ANAPC16: variants seen among roughly 807,000 people sequenced by gnomAD.
ANAPC16 encodes the protein anaphase-promoting complex subunit 16.
In ANAPC16, 6 loss-of-function variants were observed where a neutral mutation model predicts 13.1. The observed-to-expected ratio is 0.46, with a 90% CI of 0.25 to 0.90. The LOEUF is 0.90. Ranked by LOEUF, ANAPC16 falls within the 40% of genes least tolerant of loss-of-function variation. The pLI is 0.18. For synonymous variants in ANAPC16, 55 were observed against 51.3 expected (o/e 1.07, Z -0.31); for missense variants, 113 against 131.1 (o/e 0.86, Z 0.67).
At chr10:72,231,175 T>C (rs144846089) in intron 3 of ANAPC16, among the ~76,000 whole-genome samples, 1 of 152,142 alleles carries the variant, frequency 6.6e-6, no homozygotes, top group Non-Finnish European at 1.5e-5. Context: ...AAGCTGTAAT[T>C]GCCTCTAACC....
Position 72,235,748 on chromosome 10 carries a change from T to G in ANAPC16, c.*2632T>G, listed in dbSNP as rs1644593026. ...AGCATAGGCACTGTGTTACATCATC[T>G]TTACGCTTTGGTATTTGAACTTATT... On this transcript the variant is annotated 3_prime_UTR_variant, in exon 4 of 4. Transcript: ENST00000299381. 2 of 152,226 alleles carry G rather than the reference T, an allele frequency of 1.3e-5. No individual in the cohort carries two copies. The highest frequency in any genetic ancestry group is 4.8e-5 in the African/African-American group (2 of 41,458). The allele number at this position is 152,226 out of a possible 1,614,324, so 9.4% of individuals were successfully genotyped here.
intron 2 of ANAPC16, among the ~76,000 whole-genome samples, chr10:72,226,049 T>C (rs1434947297): frequency 6.6e-6 from 1 of 150,808 alleles, no homozygotes; most frequent in Non-Finnish European, 1.5e-5. Flanking sequence ...AGAGTCTCGC[T>C]CTGTTGCCCA....
chr10:72,232,168 A>G (rs984245031), intron 3 of ANAPC16, among the ~76,000 whole-genome samples: 4 of 147,836 alleles, frequency 2.7e-5, no homozygotes, highest in Non-Finnish European at 4.5e-5. Flanking sequence ...CCTGGGCAAT[A>G]AGGGTGAAAC....
At chr10:72,229,814 T>A (rs1440548280) in intron 2 of ANAPC16, among the ~76,000 whole-genome samples, 1 of 152,234 alleles carries the variant, frequency 6.6e-6, no homozygotes, top group African/African-American at 2.4e-5. Context: ...TTGCAGTGTT[T>A]TGGTTCAGTT....
chr10:72,223,960 A>C lies in ANAPC16; in HGVS notation c.46A>C (p.Ser16Arg), dbSNP rs1860034031. ...SSSSAGGVSG[S>R]SVTGSGFSVS... ...CTCCTCAGCTGGTGGGGTCAGTGGA[A>C]GTTCTGTCACTGGATCTGGTTTCAG... Residue 16 changes from serine to arginine, a missense_variant, in exon 2 of 4, where the codon AGT (serine) becomes CGT (arginine). Ser to Arg is a moderately radical substitution (Grantham distance 110). Transcript: ENST00000299381. 6.2e-7 allele frequency: 1 copy of C among 1,611,666 alleles called. No homozygotes were observed. The highest frequency in any genetic ancestry group is 1.7e-5 in the Admixed American group (1 of 59,958).
chr10:72,218,425 C>A (rs1859755192), intron 1 of ANAPC16, among the ~76,000 whole-genome samples: 1 of 151,764 alleles, frequency 6.6e-6, no homozygotes, highest in Admixed American at 6.6e-5. Context: ...CATTATGCTG[C>A]TTTACGTTGC....
intron 3 of ANAPC16, 41 bp from the exon 4 acceptor site, chr10:72,232,960 A>G (rs140393122): frequency 1.3e-6 from 2 of 1,514,494 alleles, no homozygotes; most frequent in African/African-American, 1.4e-5. Context: ...TCTCTTGGGT[A>G]ATACGTTGTT....
chr10:72,229,500 C>T (rs1297994404), intron 2 of ANAPC16, among the ~76,000 whole-genome samples: 3 of 152,034 alleles, frequency 2.0e-5, no homozygotes, highest in South Asian at 2.1e-4. Context: ...GAAGTACTGC[C>T]TGAAAAAGGA....
At chr10:72,218,157 AAAAAAAAAATATATATATATATAT>A (rs1377787865) in intron 1 of ANAPC16, among the ~76,000 whole-genome samples, 10 of 50,288 alleles carry the variant, frequency 2.0e-4, no homozygotes, top group Admixed American at 1.1e-3. Flanking sequence ...AAAAAAAAAA[AAAAAAAAAATATATATATATATAT>A]ATATATATAT....
chr10:72,218,165 AATATATATATATATATATATATAT>A lies in ANAPC16; in HGVS notation c.-28+2058_-28+2081del, dbSNP rs61038115. Reference sequence around the variant, plus strand: ...TGTCTCAAAAAAAAAAAAAAAAAAAAATATATATATATATATATATATATATATATATATATATATATATATATA... The same window carrying A: ...TGTCTCAAAAAAAAAAAAAAAAAAAAATATATATATATATATATATATATA... On this transcript the variant is annotated intron_variant, in intron 1 of 3. Transcript: ENST00000299381. 2.1e-3 allele frequency among the ~76,000 whole-genome samples: 65 copies of A among 31,542 alleles called. 4 individuals are homozygous for A. Among genetic ancestry groups the A allele is most frequent in the Non-Finnish European group, 2.5e-3 (50 of 20,086 alleles). 20.7% of individuals were successfully genotyped at this position (31,542 alleles called of 152,430 possible).
chr10:72,224,503 C>G (rs1412122171), intron 2 of ANAPC16, among the ~76,000 whole-genome samples: 2 of 151,790 alleles, frequency 1.3e-5, no homozygotes, highest in Non-Finnish European at 2.9e-5. Flanking sequence ...ATCCCGGCTA[C>G]TGGGGAGGCT....
rs762664254 is a variant in ANAPC16, at chr10:72,232,991, C to T, written c.218-10C>T. On this transcript the variant is annotated splice_polypyrimidine_tract_variant and intron_variant, in intron 3 of 3. Transcript: ENST00000299381. The stretch of plus-strand genomic sequence containing the variant: ...TTGTTGCATAATATTCTTTCCTTGA[C>T]TCCTTACAGATCAGCAAGTTGCTCG... The T allele has an allele frequency of 3.1e-6, 5 of 1,610,314 alleles. No homozygotes were observed. The Admixed American group carries it at 8.3e-5, about 27-fold the overall frequency.
Position 72,223,975 on chromosome 10 carries a change from T to C in ANAPC16, c.61T>C (p.Ser21Pro). 6.2e-7 allele frequency: 1 copy of C among 1,612,354 alleles called. No individual in the cohort carries two copies. Among genetic ancestry groups the C allele is most frequent in the Non-Finnish European group, 8.5e-7 (1 of 1,178,596 alleles). ...GGTCAGTGGAAGTTCTGTCACTGGA[T>C]CTGGTTTCAGTGTCTCAGACCTTGC... ...GGVSGSSVTG[S>P]GFSVSDLAPP... The change falls in exon 2 of 4, where the codon TCT (serine) becomes CCT (proline). Residue 21 changes from serine (S) to proline (P), a missense_variant. By Grantham distance (74) the Ser-to-Pro change is moderately conservative. Coordinates refer to ENST00000299381, the MANE Select transcript of ANAPC16 (RefSeq NM_173473.4).
chr10:72,232,139 T>A (rs1860329729), intron 3 of ANAPC16, among the ~76,000 whole-genome samples: 1 of 128,346 alleles, frequency 7.8e-6, no homozygotes, highest in South Asian at 2.5e-4. Flanking sequence ...TGAGCTGAGA[T>A]CACACCATTG....
At chr10:72,217,322 A>C (rs1437377766) in intron 1 of ANAPC16, among the ~76,000 whole-genome samples, 1 of 151,958 alleles carries the variant, frequency 6.6e-6, no homozygotes, top group Non-Finnish European at 1.5e-5. Context: ...AAAAATACAA[A>C]AAATTAGCCG....
rs1206364793 is a variant in ANAPC16, at chr10:72,223,876, C to T, written c.-27-12C>T. 2.0e-6 allele frequency: 3 copies of T among 1,492,504 alleles called. No homozygotes were observed. The highest frequency in any genetic ancestry group is 2.7e-6 in the Non-Finnish European group (3 of 1,107,176). The allele number at this position is 1,492,504 out of a possible 1,614,324, so 92.5% of individuals were successfully genotyped here. A position where few individuals can be genotyped will look rare whatever the true frequency, so the allele number is the denominator to read the frequency against. ...CATAAACTTGCCAATTGCTGTTTTT[C>T]TTTCTCTGTAGTGAAGTAAGAACTC... On this transcript the variant is annotated splice_polypyrimidine_tract_variant and intron_variant, in intron 1 of 3. Coordinates refer to ENST00000299381, the MANE Select transcript of ANAPC16 (RefSeq NM_173473.4).
chr10:72,221,833 G>A (rs972659548), intron 1 of ANAPC16, among the ~76,000 whole-genome samples: 10 of 149,808 alleles, frequency 6.7e-5, no homozygotes, highest in African/African-American at 2.5e-4. Context: ...AGGTTCAAGC[G>A]ATTCTCCTGC....
At chr10:72,221,793 A>G (rs2133664461) in intron 1 of ANAPC16, among the ~76,000 whole-genome samples, 1 of 144,100 alleles carries the variant, frequency 6.9e-6, no homozygotes, top group Admixed American at 7.2e-5. Flanking sequence ...GCAATGGTGC[A>G]GTCTTGGCTT....
intron 1 of ANAPC16, among the ~76,000 whole-genome samples, chr10:72,218,648 T>G (rs1859769275): frequency 6.6e-6 from 1 of 152,058 alleles, no homozygotes; most frequent in African/African-American, 2.4e-5. Flanking sequence ...ATAGGCCAGG[T>G]GTTATGTTTG....
Sources: gnomAD v4.1 joint callset for allele counts (sites outside exome capture counted in the v4.1 genomes callset) on GRCh38, gnomAD v4.1.1 for gene constraint, MANE v1.5 for transcripts, NCBI Gene and HGNC (gene_info 2026-07-23, HGNC 2026-07-21) for gene names.